Variants in ZNF559 observed in about 807,000 individuals in gnomAD.
ZNF559 encodes the protein zinc finger protein 559, also known as putative protein product of Nbla00121.
In ZNF559, 17 loss-of-function variants were observed where a neutral mutation model predicts 14.2. The ratio of observed to expected loss-of-function variants is 1.20; its 90% CI spans 0.82 to 1.80. The LOEUF (loss-of-function observed/expected upper bound fraction) is 1.80, where lower values mean the gene tolerates loss of function less well. ZNF559 is among the 40% of genes most tolerant of loss of function. ZNF559 has a pLI of 0.00. For missense variants in ZNF559, 740 were observed against 629.7 expected, an observed-to-expected ratio of 1.18 and a Z score of -1.88; for synonymous variants, 244 against 212.4, an observed-to-expected ratio of 1.15 and a Z score of -1.29.
At chr19:9,323,972 A>T (rs746025616), upstream of ZNF559, 6 of 587,740 alleles carry the variant, frequency 1.0e-5, no homozygotes, top group Non-Finnish European at 1.5e-5. Flanking sequence ...GTTTTGTCTA[A>T]TTCTTTGTTC....
At chr19:9,337,301 A>AC (rs1464520256) in intron 2 of ZNF559, among the ~76,000 whole-genome samples, 1 of 152,236 alleles carries the variant, frequency 6.6e-6, no homozygotes, top group Non-Finnish European at 1.5e-5. Context: ...ATCTGGTCAC[A>AC]CTAGTATAGT....
intron 2 of ZNF559, 62 bp from the exon 3 acceptor site, chr19:9,337,730 TATTA>T: frequency 8.3e-7 from 1 of 1,201,688 alleles, no homozygotes; most frequent in Non-Finnish European, 1.1e-6. Flanking sequence ...CGGGATTTGT[TATTA>T]TTTATGTCCA....
At chr19:9,326,754 G>A (rs1485044163) in intron 2 of ZNF559, among the ~76,000 whole-genome samples, 6 of 152,012 alleles carry the variant, frequency 3.9e-5, no homozygotes. Flanking sequence ...CACTTCTTTT[G>A]TACTAAGTCT....
At chr19:9,334,962 T>G (rs1260903408) in intron 2 of ZNF559, among the ~76,000 whole-genome samples, 1 of 151,902 alleles carries the variant, frequency 6.6e-6, no homozygotes, top group African/African-American at 2.4e-5. Flanking sequence ...GTGAAACCCC[T>G]TCTCTACTAA....
upstream of ZNF559, chr19:9,324,116 C>G (rs1328602451): frequency 3.9e-6 from 6 of 1,524,182 alleles, no homozygotes; most frequent in African/African-American, 6.9e-5. Flanking sequence ...GCCCGGGAAC[C>G]CGAGGCCCCG....
intron 5 of ZNF559, among the ~76,000 whole-genome samples, 195 bp downstream of exon 5, chr19:9,339,514 C>A (rs1785063932): frequency 6.6e-6 from 1 of 152,078 alleles, no homozygotes; most frequent in Admixed American, 6.6e-5. Flanking sequence ...GCTTTATTTT[C>A]TCCATGGATA....
In ZNF559 at chr19:9,341,888, T is replaced by G; in HGVS notation, c.437T>G (p.Leu146Arg). The G allele has an allele frequency of 6.2e-7, 1 of 1,610,026 alleles. No individual in the cohort carries two copies. The highest frequency in any genetic ancestry group is 8.5e-7 in the Non-Finnish European group (1 of 1,179,006). The change falls in exon 7 of 7, where the codon CTT (leucine) becomes CGT (arginine). Residue 146 changes from leucine (L) to arginine (R), a missense_variant. Physicochemically the swap from Leu to Arg is moderately radical, Grantham distance 102. Transcript: ENST00000603380. ...AAGAAAACTGATATCGGAGAGGAACTTCCTAACTGTAATCAATGTGAAACA... is the reference window on the plus strand; with the variant it reads ...AAGAAAACTGATATCGGAGAGGAACGTCCTAACTGTAATCAATGTGAAACA... ...LHKKTDIGEE[L>R]PNCNQCETAF...
Position 9,345,144 on chromosome 19 carries a change from T to A in ZNF559, c.*2076T>A, listed in dbSNP as rs1332319724. 2.0e-5 allele frequency: 3 copies of A among 152,242 alleles called. No individual in the cohort carries two copies. Among genetic ancestry groups the A allele is most frequent in the African/African-American group, 7.2e-5 (3 of 41,466 alleles). 9.4% of individuals were successfully genotyped at this position (152,242 alleles called of 1,614,324 possible). A position where few individuals can be genotyped will look rare whatever the true frequency, so the allele number is the denominator to read the frequency against. ...CATCTTTCAGGATAATTTTTTCAGA[T>A]CCATTTATGTTGTAGGGTCCATTTC... is the stretch of plus-strand genomic sequence containing the variant. On this transcript the variant is annotated 3_prime_UTR_variant, in exon 7 of 7. Coordinates refer to ENST00000603380, the MANE Select transcript of ZNF559 (RefSeq NM_032497.3).
At chr19:9,327,709 CTA>C (rs769299972) in intron 2 of ZNF559, among the ~76,000 whole-genome samples, 1 of 151,912 alleles carries the variant, frequency 6.6e-6, no homozygotes, top group Non-Finnish European at 1.5e-5. Flanking sequence ...TCACTGCCCT[CTA>C]TACTTTTTTT....
At chr19:9,328,641 C>A (rs528595534) in intron 2 of ZNF559, among the ~76,000 whole-genome samples, 1 of 152,140 alleles carries the variant, frequency 6.6e-6, no homozygotes, top group East Asian at 1.9e-4. Flanking sequence ...TCCTAAAGTG[C>A]TGGGATTACA....
Position 9,339,240 on chromosome 19 carries a change from G to A in ZNF559, c.81G>A (p.Glu27=). The part of the protein sequence containing the change: ...EDVAVDFTQE[E]WTLLDQTQRN... ...TGGCTGTGGACTTCACCCAGGAGGA[G>A]TGGACTTTGCTGGATCAAACTCAGA... Residue 27 remains glutamate (E), a synonymous_variant, in exon 5 of 7, where the codon GAG becomes GAA. Coordinates refer to ENST00000603380, the MANE Select transcript of ZNF559 (RefSeq NM_032497.3). 2 of 1,614,030 alleles carry A rather than the reference G, an allele frequency of 1.2e-6. No homozygotes were observed. The highest frequency in any genetic ancestry group is 2.2e-5 in the South Asian group (2 of 91,078).
intron 3 of ZNF559, chr19:9,338,096 G>A (rs1329000963): frequency 6.9e-6 from 9 of 1,312,466 alleles, no homozygotes; most frequent in Non-Finnish European, 9.5e-6. Flanking sequence ...AGGGTTTAGG[G>A]TCTAAGTGGC....
At position 9,342,965 on chromosome 19, in the gene ZNF559, CCACA is replaced by C; in HGVS notation, c.1515_1518del (p.Thr506IlefsTer6). 6.2e-7 allele frequency: 1 copy of C among 1,614,170 alleles called. No homozygotes were observed. The highest frequency in any genetic ancestry group is 8.5e-7 in the Non-Finnish European group (1 of 1,180,038). On this transcript the variant is annotated frameshift_variant, in exon 7 of 7. Transcript: ENST00000603380. LOFTEE classifies it low-confidence loss of function (END_TRUNC). The stretch of plus-strand genomic sequence containing the variant: ...GAATGTGGGAAAGCCTTTACTCGGT[CCACA>C]TATCTTATTCGACATCTAAGAAGTC...
At position 9,343,073 on chromosome 19, in the gene ZNF559, G is replaced by A; in HGVS notation, c.*5G>A. 1 of 1,601,926 alleles carries A rather than the reference G, an allele frequency of 6.2e-7. No individual in the cohort carries two copies. Among genetic ancestry groups the A allele is most frequent in the Non-Finnish European group, 8.5e-7 (1 of 1,174,776 alleles). On this transcript the variant is annotated 3_prime_UTR_variant, in exon 7 of 7. Transcript: ENST00000603380. The stretch of plus-strand genomic sequence containing the variant: ...TGCCTTACTGAATGTGTGTGAATTG[G>A]GGCTGATACTTGGAAAGAATGTGGT...
chr19:9,345,733 A>G lies in ZNF559; in HGVS notation c.*2665A>G, dbSNP rs1038819013. ...CGTGGCACGATCATGTGGTTTTGCA[A>G]TATTTATTGAATTTTGAGAGTTTAA... On this transcript the variant is annotated 3_prime_UTR_variant, in exon 7 of 7. Transcript: ENST00000603380. The G allele has an allele frequency of 5.9e-5, 9 of 151,440 alleles. No individual in the cohort carries two copies. Among genetic ancestry groups the G allele is most frequent in the African/African-American group, 2.2e-4 (9 of 41,298 alleles). 9.4% of individuals were successfully genotyped at this position (151,440 alleles called of 1,614,324 possible).
chr19:9,324,087 A>G, upstream of ZNF559: 8 of 1,455,408 alleles, frequency 5.5e-6, no homozygotes, highest in Non-Finnish European at 7.4e-6. Context: ...GGGTTGGAAA[A>G]AGCCGCAGCA....
At position 9,342,972 on chromosome 19, in the gene ZNF559, T is replaced by C. The variant is rs2067650051; in HGVS notation, c.1521T>C (p.Tyr507=). The C allele has an allele frequency of 6.2e-7, 1 of 1,614,192 alleles. No homozygotes were observed. The highest frequency in any genetic ancestry group is 8.5e-7 in the Non-Finnish European group (1 of 1,180,042). The change falls in exon 7 of 7, where the codon TAT becomes TAC. Residue 507 remains tyrosine (Y), a synonymous_variant. Coordinates refer to ENST00000603380, the MANE Select transcript of ZNF559 (RefSeq NM_032497.3). ...GGAAAGCCTTTACTCGGTCCACATATCTTATTCGACATCTAAGAAGTCATA... is the reference window on the plus strand; with the variant it reads ...GGAAAGCCTTTACTCGGTCCACATACCTTATTCGACATCTAAGAAGTCATA... ...ECGKAFTRST[Y]LIRHLRSHSV...
At chr19:9,338,041 C>A in intron 3 of ZNF559, 183 bp downstream of exon 3, 1 of 1,528,044 alleles carries the variant, frequency 6.5e-7, no homozygotes, top group Non-Finnish European at 8.8e-7. Context: ...GATGGTCCTT[C>A]AAGACGCTGC....
intron 2 of ZNF559, among the ~76,000 whole-genome samples, chr19:9,335,317 G>C (rs1414696551): frequency 1.3e-5 from 2 of 151,742 alleles, no homozygotes; most frequent in Non-Finnish European, 2.9e-5. Context: ...ATTTTTAATT[G>C]GCCGGGTGTG....
Sources: gnomAD v4.1 joint callset for allele counts (sites outside exome capture counted in the v4.1 genomes callset) on GRCh38, gnomAD v4.1.1 for gene constraint, MANE v1.5 for transcripts, NCBI Gene and HGNC (gene_info 2026-07-23, HGNC 2026-07-21) for gene names.